The following NFKB1 variants were observed in gnomAD, a reference collection of about 807,000 sequenced individuals.
NFKB1 encodes the protein nuclear factor NF-kappa-B p105 subunit.
Under a neutral mutation model 105.1 loss-of-function variants are expected in NFKB1, and 9 were observed. The observed-to-expected ratio is 0.09, with a 90% CI of 0.05 to 0.15. The LOEUF (loss-of-function observed/expected upper bound fraction) is 0.15. NFKB1 is among the 10% of genes least tolerant of loss of function. The pLI is 1.00. For missense variants in NFKB1, 830 were observed against 1,203.7 expected (o/e 0.69, Z 4.59); for synonymous variants, 440 against 442.2 (o/e 1.00, Z 0.06).
rs777954093 is a variant in NFKB1, at chr4:102,533,923, C to T, written c.159+38C>T. On this transcript the variant is annotated intron_variant, in intron 4 of 23. Coordinates refer to ENST00000226574, the MANE Select transcript of NFKB1 (RefSeq NM_003998.4). The stretch of plus-strand genomic sequence containing the variant: ...GGGTGGGACTTTAAATGTTAGATTC[C>T]AGTGTCTAATATTGAGATCATAAGC... The T allele has an allele frequency of 3.2e-6, 5 of 1,543,662 alleles. No individual in the cohort carries two copies. In the East Asian group the frequency reaches 1.1e-4, roughly 35 times the overall value.
At chr4:102,516,350 T>A (rs1740184763) in intron 1 of NFKB1, among the ~76,000 whole-genome samples, 1 of 151,850 alleles carries the variant, frequency 6.6e-6, no homozygotes, top group Admixed American at 6.6e-5. Context: ...ATATTTTTTC[T>A]GTCTTTTTTC....
intron 3 of NFKB1, among the ~76,000 whole-genome samples, chr4:102,533,298 A>G (rs1741421681): frequency 6.6e-6 from 1 of 152,204 alleles, no homozygotes; most frequent in African/African-American, 2.4e-5. Flanking sequence ...AGACGGGAAC[A>G]GAAAACCTAG....
intron 5 of NFKB1, among the ~76,000 whole-genome samples, chr4:102,563,768 G>A (rs1723623751): frequency 6.7e-6 from 1 of 149,670 alleles, no homozygotes; most frequent in Non-Finnish European, 1.5e-5. Context: ...GGGTAGCTGA[G>A]TACTCAGTTT....
chr4:102,501,561 GC>G lies in NFKB1; in HGVS notation c.-232del, dbSNP rs1417913676. ...GCCCGGCCAGTAAGGCGGCGCCGCC[GC>G]CCGGCCACCGCGCGCCCTGCGCTTC... On this transcript the variant is annotated 5_prime_UTR_variant, in exon 1 of 24. Transcript: ENST00000226574. 1.4e-5 allele frequency: 2 copies of G among 146,742 alleles called. No individual in the cohort carries two copies. The highest frequency in any genetic ancestry group is 2.4e-5 in the African/African-American group (1 of 40,876). The allele number at this position is 146,742 out of a possible 1,614,324, so 9.1% of individuals were successfully genotyped here.
intron 5 of NFKB1, among the ~76,000 whole-genome samples, chr4:102,543,212 G>A (rs1424599888): frequency 6.6e-6 from 1 of 152,012 alleles, no homozygotes; most frequent in Non-Finnish European, 1.5e-5. Flanking sequence ...CACAGAGGTG[G>A]GTGACAAGAG....
At chr4:102,587,399 G>A (rs1218170353) in intron 11 of NFKB1, among the ~76,000 whole-genome samples, 1 of 151,884 alleles carries the variant, frequency 6.6e-6, no homozygotes, top group Non-Finnish European at 1.5e-5. Flanking sequence ...GAATCATGAA[G>A]AAAGAAAACC....
intron 19 of NFKB1, among the ~76,000 whole-genome samples, chr4:102,609,990 C>T (rs1728244560): frequency 6.6e-6 from 1 of 152,144 alleles, no homozygotes; most frequent in Non-Finnish European, 1.5e-5. Flanking sequence ...TTTGTTTTTG[C>T]TGGATGCTAA....
At position 102,597,562 on chromosome 4, in the gene NFKB1, A is replaced by C; in HGVS notation, c.1538A>C (p.His513Pro). Residue 513 changes from histidine to proline, a missense_variant, in exon 15 of 24, where the codon CAT (histidine) becomes CCT (proline). Physicochemically the swap from His to Pro is moderately conservative, Grantham distance 77. Transcript: ENST00000226574. ...AAGGCTATGCAGCTTGCAAAGAGGCATGCCAATGCCCTTTTCGACTACGCG... is the reference window on the plus strand; with the variant it reads ...AAGGCTATGCAGCTTGCAAAGAGGCCTGCCAATGCCCTTTTCGACTACGCG... ...LEKAMQLAKR[H>P]ANALFDYAVT... 1 of 1,613,760 alleles carries C rather than the reference A, an allele frequency of 6.2e-7. No individual in the cohort carries two copies. Among genetic ancestry groups the C allele is most frequent in the Non-Finnish European group, 8.5e-7 (1 of 1,179,816 alleles).
intron 5 of NFKB1, among the ~76,000 whole-genome samples, chr4:102,559,383 G>C (rs1723222161): frequency 6.6e-6 from 1 of 151,988 alleles, no homozygotes; most frequent in African/African-American, 2.4e-5. Flanking sequence ...GAGTGAAGGA[G>C]TGATAAGACA....
chr4:102,553,097 G>A (rs1722741037), intron 5 of NFKB1, among the ~76,000 whole-genome samples: 1 of 152,112 alleles, frequency 6.6e-6, no homozygotes, highest in Non-Finnish European at 1.5e-5. Context: ...TTTATCTTAT[G>A]TACTTTCCTT....
intron 1 of NFKB1, among the ~76,000 whole-genome samples, chr4:102,505,408 GAATT>G (rs778953461): frequency 1.2e-4 from 19 of 152,130 alleles, no homozygotes; most frequent in Admixed American, 2.0e-4. Flanking sequence ...GTAACAAACA[GAATT>G]AATTATCAGT....
rs4648129 is a variant in NFKB1 at position 102,614,878 on chromosome 4, A to T, written c.2749+1297A>T. ...GCCCAATACTGGCTACATCTGTCAG[A>T]AGCGCTGCCATCTTCCAGGAGATTA... On this transcript the variant is annotated intron_variant, in intron 23 of 23. Coordinates refer to ENST00000226574, the MANE Select transcript of NFKB1 (RefSeq NM_003998.4). 1.5e-3 allele frequency among the ~76,000 whole-genome samples: 229 copies of T among 152,142 alleles called. 3 individuals are homozygous for T. In the East Asian group the frequency reaches 0.017, roughly 11 times the overall value.
intron 1 of NFKB1, among the ~76,000 whole-genome samples, chr4:102,518,461 A>G (rs1259267700): frequency 6.6e-6 from 1 of 152,068 alleles, no homozygotes; most frequent in Non-Finnish European, 1.5e-5. Flanking sequence ...TGATCACTGA[A>G]TTACCAAGAT....
At position 102,582,928 on chromosome 4, in the gene NFKB1, G is replaced by C; in HGVS notation, c.898G>C (p.Asp300His). Reference protein sequence around the residue: ...ENGGVWEGFGDFSPTDVHRQF... With the variant: ...ENGGVWEGFGHFSPTDVHRQF... ...TGGTGGAGTCTGGGAAGGATTTGGA[G>C]ATTTTTCCCCCACAGATGTTCATAG... Residue 300 changes from aspartate to histidine, a missense_variant, in exon 10 of 24, where the codon GAT becomes CAT. Asp to His is a moderately conservative substitution (Grantham distance 81, BLOSUM62 -1). Transcript: ENST00000226574. The C allele has an allele frequency of 6.2e-7, 1 of 1,611,898 alleles. No individual in the cohort carries two copies. The highest frequency in any genetic ancestry group is 1.7e-4 in the Middle Eastern group (1 of 6,054).
At chr4:102,600,681 C>T (rs1379057321) in intron 15 of NFKB1, among the ~76,000 whole-genome samples, 1 of 152,188 alleles carries the variant, frequency 6.6e-6, no homozygotes, top group Non-Finnish European at 1.5e-5. Flanking sequence ...CCACAAATAA[C>T]GTAGCAGCCT....
At chr4:102,571,004 A>C (rs1724297210) in intron 6 of NFKB1, among the ~76,000 whole-genome samples, 1 of 152,212 alleles carries the variant, frequency 6.6e-6, no homozygotes, top group South Asian at 2.1e-4. Flanking sequence ...ATATGGAACC[A>C]AAAAAGAGCC....
chr4:102,566,270 ACT>A (rs1383503526), intron 5 of NFKB1, among the ~76,000 whole-genome samples: 1 of 152,144 alleles, frequency 6.6e-6, no homozygotes, highest in African/African-American at 2.4e-5. Context: ...TAAATAGAAA[ACT>A]CTAATTTTAT....
At chr4:102,607,357 T>G in intron 18 of NFKB1, 38 bp downstream of exon 18, 13 of 1,589,756 alleles carry the variant, frequency 8.2e-6, no homozygotes, top group Non-Finnish European at 1.0e-5. Context: ...ATTAAATTTC[T>G]GAGGGAGATT....
intron 1 of NFKB1, among the ~76,000 whole-genome samples, chr4:102,511,871 C>G (rs1454526819): frequency 6.6e-6 from 1 of 152,150 alleles, no homozygotes; most frequent in African/African-American, 2.4e-5. Context: ...CCTATCTGCC[C>G]TTTCTTAGTT....
Sources: gnomAD v4.1 joint callset for allele counts (sites outside exome capture counted in the v4.1 genomes callset) on GRCh38, gnomAD v4.1.1 for gene constraint, MANE v1.5 for transcripts, NCBI Gene and HGNC (gene_info 2026-07-23, HGNC 2026-07-21) for gene names.